The following CADM2 variants were observed in gnomAD, a reference collection of about 807,000 sequenced individuals.
CADM2 encodes the protein cell adhesion molecule 2.
CADM2 carries 12 observed loss-of-function variants against 49.8 expected under a neutral mutation model. The ratio of observed to expected loss-of-function variants is 0.24; its 90% CI spans 0.15 to 0.39. The LOEUF is 0.39. Ranked by LOEUF, CADM2 falls within the 10% of genes least tolerant of loss-of-function variation. CADM2 has a pLI of 1.00. For missense variants in CADM2, 378 were observed against 492.3 expected (o/e 0.77, Z 2.20); for synonymous variants, 214 against 175.4 (o/e 1.22, Z -1.74).
chr3:84,962,273 TA>T (rs77816542), intron 1 of CADM2, among the ~76,000 whole-genome samples: 683 of 139,976 alleles, frequency 4.9e-3, no homozygotes, highest in Admixed American at 4.9e-3. Flanking sequence ...TACGAGGATT[TA>T]AAAAAAAAAA....
chr3:85,154,767 A>C (rs374629049), intron 1 of CADM2, among the ~76,000 whole-genome samples: 20,500 of 140,310 alleles, frequency 0.15, 2,665 homozygotes, highest in African/African-American at 0.4. Flanking sequence ...AAGCCAGAAG[A>C]GAGTGGGGGC....
intron 8 of CADM2, among the ~76,000 whole-genome samples, chr3:86,058,654 A>G (rs1415724019): frequency 1.3e-5 from 2 of 152,118 alleles, no homozygotes; most frequent in Non-Finnish European, 2.9e-5. Flanking sequence ...ACAATTGAAT[A>G]ATAATCACTT....
chr3:85,634,977 A>G (rs2107531991), intron 1 of CADM2, among the ~76,000 whole-genome samples: 1 of 152,172 alleles, frequency 6.6e-6, no homozygotes, highest in Middle Eastern at 3.4e-3. Flanking sequence ...GTAAAATAGA[A>G]ATTGTAGCAG....
At chr3:85,558,849 G>T (rs921647372) in intron 1 of CADM2, among the ~76,000 whole-genome samples, 1 of 152,086 alleles carries the variant, frequency 6.6e-6, no homozygotes, top group Non-Finnish European at 1.5e-5. Flanking sequence ...ATCATGGAGA[G>T]AAGTGGTCTT....
chr3:85,743,009 A>G (rs961442541), intron 2 of CADM2, among the ~76,000 whole-genome samples: 3 of 152,082 alleles, frequency 2.0e-5, no homozygotes, highest in Non-Finnish European at 4.4e-5. Context: ...GATTTCTGCA[A>G]TTTATGGACT....
chr3:85,774,484 C>G (rs1160686929), intron 2 of CADM2, among the ~76,000 whole-genome samples: 1 of 151,688 alleles, frequency 6.6e-6, no homozygotes, highest in Non-Finnish European at 1.5e-5. Context: ...TGGTTTTCAT[C>G]TGTAAAAATT....
chr3:85,248,555 C>T (rs561322862), intron 1 of CADM2, among the ~76,000 whole-genome samples: 250 of 152,240 alleles, frequency 1.6e-3, no homozygotes, highest in Non-Finnish European at 2.8e-3. Flanking sequence ...GGATTACAGG[C>T]GTGAGCAAAC....
chr3:85,738,070 C>T (rs574744721), intron 2 of CADM2, among the ~76,000 whole-genome samples: 4 of 152,252 alleles, frequency 2.6e-5, no homozygotes, highest in Non-Finnish European at 5.9e-5. Flanking sequence ...TTCCTGAAGT[C>T]ATTACCTTAC....
chr3:85,460,802 G>C (rs62250710), intron 1 of CADM2, among the ~76,000 whole-genome samples: 1 of 151,640 alleles, frequency 6.6e-6, no homozygotes, highest in South Asian at 2.1e-4. Flanking sequence ...TTGAAAGGTA[G>C]GTGAGGAAAG....
intron 1 of CADM2, among the ~76,000 whole-genome samples, chr3:85,570,275 G>A (rs1403773112): frequency 6.6e-6 from 1 of 152,054 alleles, no homozygotes; most frequent in Non-Finnish European, 1.5e-5. Context: ...CCCAACAGAA[G>A]CTTAAATAAA....
chr3:85,126,349 A>G (rs1203474236), intron 1 of CADM2, among the ~76,000 whole-genome samples: 1 of 152,176 alleles, frequency 6.6e-6, no homozygotes, highest in Non-Finnish European at 1.5e-5. Flanking sequence ...ACTCACATAC[A>G]TATGGGTGGA....
At position 85,827,401 on chromosome 3, in the gene CADM2, T is replaced by C. The variant is rs1250751930; in HGVS notation, c.238+25205T>C. 2.6e-5 allele frequency among the ~76,000 whole-genome samples: 4 copies of C among 151,950 alleles called. No homozygotes were observed. In the East Asian group the frequency reaches 7.7e-4, roughly 29 times the overall value. On this transcript the variant is annotated intron_variant, in intron 3 of 9. Transcript: ENST00000383699. ...ACTTTTTCAGGTGCTTGTAGTAATG[T>C]ATATACACTGTGTTGCATAGCGCGG...
intron 1 of CADM2, among the ~76,000 whole-genome samples, chr3:85,413,158 A>AG (rs1405043561): frequency 7.1e-6 from 1 of 141,650 alleles, no homozygotes; most frequent in African/African-American, 2.7e-5. Flanking sequence ...AAAAAAAAAA[A>AG]AAAAATAATA....
chr3:85,651,317 C>G lies in CADM2; in HGVS notation c.62-75205C>G, dbSNP rs143917895. ...CAAATTAAAGGTCACTTAACAAGAG[C>G]AATTACAAGGAAGCAAGCAAGTTGC... On this transcript the variant is annotated intron_variant, in intron 1 of 9. Transcript: ENST00000383699. Among the ~76,000 whole-genome samples, 36 of 152,220 alleles carry G rather than the reference C, an allele frequency of 2.4e-4. No homozygotes were observed. In the East Asian group the frequency reaches 6.6e-3, roughly 28 times the overall value.
chr3:85,053,967 G>T (rs1473022847), intron 1 of CADM2, among the ~76,000 whole-genome samples: 1 of 151,818 alleles, frequency 6.6e-6, no homozygotes, highest in Non-Finnish European at 1.5e-5. Flanking sequence ...AACCTTCTGT[G>T]ATATTTCTTC....
intron 2 of CADM2, among the ~76,000 whole-genome samples, chr3:85,742,385 C>T (rs2068431518): frequency 1.3e-5 from 2 of 152,296 alleles, no homozygotes; most frequent in Middle Eastern, 3.4e-3. Flanking sequence ...AAGACATATT[C>T]TAAATAGGTC....
chr3:86,031,750 T>A (rs1330902874), intron 8 of CADM2, among the ~76,000 whole-genome samples: 2 of 151,786 alleles, frequency 1.3e-5, no homozygotes, highest in Non-Finnish European at 3.0e-5. Flanking sequence ...GATTTCAAAT[T>A]TTTTAAAAAA....
At chr3:85,144,641 A>AAAGC (rs1351660995) in intron 1 of CADM2, among the ~76,000 whole-genome samples, 1 of 151,430 alleles carries the variant, frequency 6.6e-6, no homozygotes, top group Non-Finnish European at 1.5e-5. Flanking sequence ...AGAAAGAAAG[A>AAAGC]AAGAACAAGA....
chr3:85,246,741 A>G (rs534249204), intron 1 of CADM2, among the ~76,000 whole-genome samples: 149 of 152,034 alleles, frequency 9.8e-4, no homozygotes, highest in African/African-American at 2.7e-3. Context: ...ATAAACTGTG[A>G]AGAACATACA....
Sources: allele counts gnomAD v4.1 joint callset (sites outside exome capture counted in the v4.1 genomes callset), GRCh38; gene constraint gnomAD v4.1.1; transcripts MANE v1.5; gene names NCBI Gene and HGNC (gene_info 2026-07-23, HGNC 2026-07-21).